The following SQLE variants were observed in gnomAD, a reference collection of about 807,000 sequenced individuals.
SQLE encodes the protein squalene epoxidase, also known as squalene monooxygenase.
Under a neutral mutation model 60.7 loss-of-function variants are expected in SQLE, and 29 were observed. That is an observed-to-expected ratio of 0.48 (90% CI 0.36 to 0.65). SQLE has a LOEUF of 0.65. Among genes scored for constraint, SQLE ranks in the 30% least tolerant of loss-of-function variants. The pLI is 0.00. For synonymous variants in SQLE, 237 were observed against 246.8 expected, an observed-to-expected ratio of 0.96 and a Z score of 0.37; for missense variants, 605 against 684.1, an observed-to-expected ratio of 0.88 and a Z score of 1.29.
intron 1 of SQLE, among the ~76,000 whole-genome samples, chr8:125,002,767 A>C (rs554120056): frequency 4.6e-5 from 7 of 152,346 alleles, no homozygotes; most frequent in Non-Finnish European, 1.0e-4. Flanking sequence ...AGAAGTTGTA[A>C]GTGATTTGCA....
Position 125,020,811 on chromosome 8 carries a change from GT to G in SQLE, c.1476del (p.Leu493PhefsTer25). ...TCCCTGCATCAACTAAGAAAAGCCT[GT>G]TTTCTTTATTTCAAACTTGGTGGCG... The part of the protein sequence containing the change: ...DDSLHQLRKA[C>X]FLYFKLGGEC... On this transcript the variant is annotated frameshift_variant, in exon 10 of 11. Transcript: ENST00000265896. LOFTEE classifies it high-confidence loss of function. 1 of 1,612,942 alleles carries G rather than the reference GT, an allele frequency of 6.2e-7. No homozygotes were observed. Among genetic ancestry groups the G allele is most frequent in the Non-Finnish European group, 8.5e-7 (1 of 1,179,208 alleles).
chr8:125,021,540 A>G (rs1218076750), intron 10 of SQLE, among the ~76,000 whole-genome samples: 17 of 125,560 alleles, frequency 1.4e-4, no homozygotes, highest in African/African-American at 3.6e-4. Context: ...AAAAAAAAAA[A>G]AGGGGGGTGG....
intron 1 of SQLE, among the ~76,000 whole-genome samples, chr8:125,001,993 G>A (rs1436027482): frequency 3.9e-5 from 6 of 152,142 alleles, no homozygotes. Context: ...GTTCTTAGTG[G>A]TCATAAATCT....
chr8:125,021,719 G>T, intron 10 of SQLE, 34 bp from the exon 11 acceptor site: 1 of 1,483,350 alleles, frequency 6.7e-7, no homozygotes, highest in East Asian at 2.4e-5. Context: ...TTTAGTTTCT[G>T]AGTCTTACCA....
intron 2 of SQLE, among the ~76,000 whole-genome samples, chr8:125,004,267 A>G (rs1370669958): frequency 1.3e-5 from 2 of 152,190 alleles, no homozygotes; most frequent in Non-Finnish European, 2.9e-5. Flanking sequence ...ACTTAGATGA[A>G]TGTTTAGGTT....
At chr8:125,021,007 C>A in intron 10 of SQLE, 136 bp downstream of exon 10, 1 of 642,204 alleles carries the variant, frequency 1.6e-6, no homozygotes, top group Non-Finnish European at 2.8e-6. Flanking sequence ...GAGAAGGTGG[C>A]CCAAAGAAAT....
At chr8:125,003,886 G>A (rs1015217181) in intron 2 of SQLE, among the ~76,000 whole-genome samples, 11 of 150,462 alleles carry the variant, frequency 7.3e-5, no homozygotes, top group African/African-American at 2.0e-4. Flanking sequence ...GTGGGGATGG[G>A]GTGGTGGGGT....
intron 1 of SQLE, among the ~76,000 whole-genome samples, chr8:125,000,379 G>A (rs1002390617): frequency 3.9e-5 from 6 of 152,206 alleles, no homozygotes; most frequent in Admixed American, 3.9e-4. Flanking sequence ...TTTTTCCCAA[G>A]AGTTCTCCCA....
At position 124,998,717 on chromosome 8, in the gene SQLE, C is replaced by T. The variant is rs1814788625; in HGVS notation, c.-687C>T. ...TGGGCGGCTCTGGGGGCCAGCGAAA[C>T]GGGAGGCCTCTAAATCTTTAGGTTG... is the stretch of plus-strand genomic sequence containing the variant. On this transcript the variant is annotated 5_prime_UTR_variant, in exon 1 of 11. It adds an upstream start codon to the 5' untranslated region. Transcript: ENST00000265896. 3.4e-6 allele frequency: 2 copies of T among 592,130 alleles called. No individual in the cohort carries two copies. Among genetic ancestry groups the T allele is most frequent in the South Asian group, 1.8e-5 (1 of 54,724 alleles). The allele number at this position is 592,130 out of a possible 1,614,324, so 36.7% of individuals were successfully genotyped here. A position where few individuals can be genotyped will look rare whatever the true frequency, so the allele number is the denominator to read the frequency against.
At chr8:125,006,851 C>T (rs1486143498) in intron 3 of SQLE, among the ~76,000 whole-genome samples, 1 of 151,756 alleles carries the variant, frequency 6.6e-6, no homozygotes, top group East Asian at 2.0e-4. Flanking sequence ...ATTACAGGCA[C>T]ATGCCACCAC....
intron 1 of SQLE, chr8:125,000,101 C>T (rs1588110787): frequency 2.2e-6 from 1 of 457,260 alleles, no homozygotes; most frequent in African/African-American, 2.0e-5. Context: ...GAAGTGACAG[C>T]TGACTGGGGA....
chr8:125,015,763 C>T (rs546637740), intron 7 of SQLE, among the ~76,000 whole-genome samples: 13 of 152,252 alleles, frequency 8.5e-5, no homozygotes, highest in South Asian at 4.1e-4. Context: ...GAACTCACTT[C>T]GGCATTTCTT....
intron 1 of SQLE, among the ~76,000 whole-genome samples, chr8:125,000,810 G>A (rs955968248): frequency 1.3e-5 from 2 of 152,176 alleles, no homozygotes; most frequent in African/African-American, 4.8e-5. Context: ...TGGGTTGTAG[G>A]CGTACAAGAA....
chr8:125,021,542 G>C (rs1352219046), intron 10 of SQLE, among the ~76,000 whole-genome samples: 2 of 73,096 alleles, frequency 2.7e-5, no homozygotes, highest in Non-Finnish European at 5.0e-5. Flanking sequence ...AAAAAAAAAA[G>C]GGGGGTGGGG....
intron 1 of SQLE, among the ~76,000 whole-genome samples, chr8:125,001,453 T>G (rs952346807): frequency 8.6e-5 from 11 of 127,850 alleles, no homozygotes; most frequent in African/African-American, 2.5e-4. Flanking sequence ...TTTCAGGGTG[T>G]GTGTGTGTGT....
intron 9 of SQLE, 51 bp from the exon 10 acceptor site, chr8:125,020,733 A>G: frequency 1.8e-6 from 2 of 1,138,758 alleles, no homozygotes; most frequent in Non-Finnish European, 2.6e-6. Context: ...TATCATTAGC[A>G]TCCTACATAA....
chr8:124,998,914 GCCGTC>G lies in SQLE; in HGVS notation c.-489_-485del. The G allele has an allele frequency of 2.8e-6, 1 of 361,570 alleles. No individual in the cohort carries two copies. Among genetic ancestry groups the G allele is most frequent in the South Asian group, 8.4e-5 (1 of 11,914 alleles). The allele number at this position is 361,570 out of a possible 1,614,324, so 22.4% of individuals were successfully genotyped here. A position where few individuals can be genotyped will look rare whatever the true frequency, so the allele number is the denominator to read the frequency against. On this transcript the variant is annotated 5_prime_UTR_variant, in exon 1 of 11. Coordinates refer to ENST00000265896, the MANE Select transcript of SQLE (RefSeq NM_003129.4). ...CCCCCGTGCCTTCCGGCCGCTGCTCGCCGTCGCCAGAGGCTAGGCCACGTTTCCCC... is the reference window on the plus strand; with the variant it reads ...CCCCCGTGCCTTCCGGCCGCTGCTCGGCCAGAGGCTAGGCCACGTTTCCCC...
Position 124,998,888 on chromosome 8 carries a change from G to T in SQLE, c.-516G>T, listed in dbSNP as rs1050124633. Reference sequence around the variant, plus strand: ...GCCTCTGAACCCGCGCCGGCCCGCAGCCCCCGTGCCTTCCGGCCGCTGCTC... The same window carrying T: ...GCCTCTGAACCCGCGCCGGCCCGCATCCCCCGTGCCTTCCGGCCGCTGCTC... On this transcript the variant is annotated 5_prime_UTR_variant, in exon 1 of 11. Coordinates refer to ENST00000265896, the MANE Select transcript of SQLE (RefSeq NM_003129.4). 1.3e-4 allele frequency: 50 copies of T among 379,718 alleles called. No homozygotes were observed. The highest frequency in any genetic ancestry group is 2.1e-4 in the Non-Finnish European group (45 of 213,464). 23.5% of individuals were successfully genotyped at this position (379,718 alleles called of 1,614,324 possible).
At chr8:125,015,510 T>C (rs1419218328) in intron 7 of SQLE, among the ~76,000 whole-genome samples, 1 of 152,266 alleles carries the variant, frequency 6.6e-6, no homozygotes, top group Non-Finnish European at 1.5e-5. Context: ...TAGTATGTTT[T>C]AATTTCTTGC....
Sources: allele counts gnomAD v4.1 joint callset (sites outside exome capture counted in the v4.1 genomes callset), GRCh38; gene constraint gnomAD v4.1.1; transcripts MANE v1.5; gene names NCBI Gene and HGNC (gene_info 2026-07-23, HGNC 2026-07-21).